Variants in PRKN observed in about 807,000 individuals in gnomAD.
PRKN encodes parkin RBR E3 ubiquitin protein ligase.
PRKN carries 56 observed loss-of-function variants against 59.5 expected under a neutral mutation model. The ratio of observed to expected loss-of-function variants is 0.94; its 90% CI spans 0.76 to 1.18. PRKN has a LOEUF of 1.18. Ranked by LOEUF, PRKN falls within the 50% of genes most tolerant of loss-of-function variation. The pLI, the probability that PRKN is intolerant of heterozygous loss-of-function variation, is 0.00. For synonymous variants in PRKN, 250 were observed against 222.1 expected, an observed-to-expected ratio of 1.13 and a Z score of -1.12; for missense variants, 657 against 596.4, an observed-to-expected ratio of 1.10 and a Z score of -1.06.
chr6:161,941,038 G>A (rs1320586024), intron 6 of PRKN, among the ~76,000 whole-genome samples: 1 of 152,240 alleles, frequency 6.6e-6, no homozygotes, highest in Non-Finnish European at 1.5e-5. Context: ...GAATGGCATG[G>A]TCGCTTTAAC....
intron 1 of PRKN, among the ~76,000 whole-genome samples, chr6:162,705,366 G>A (rs1014180943): frequency 1.3e-5 from 2 of 152,146 alleles, no homozygotes; most frequent in Non-Finnish European, 2.9e-5. Flanking sequence ...TCAGGGCCAG[G>A]CCAAATACTC....
rs9458242 is a variant in PRKN, at chr6:161,402,571, C to T, written c.1084-15694G>A. Among the ~76,000 whole-genome samples the T allele has an allele frequency of 0.014, 2,144 of 152,146 alleles. 65 individuals are homozygous for T. The highest frequency in any genetic ancestry group is 0.049 in the African/African-American group (2,035 of 41,486). On this transcript the variant is annotated intron_variant, in intron 9 of 11. Coordinates refer to ENST00000366898, the MANE Select transcript of PRKN (RefSeq NM_004562.3). This position sits in a 1 kb window ranked among gnomAD's most constrained non-coding sequence, Gnocchi z 4.5. The stretch of plus-strand genomic sequence containing the variant: ...CCCTCTACCCTCCCAGGTTCTTTGG[C>T]TGGGCTATTGATTAAAATGGCATAT...
chr6:162,123,074 A>C (rs979794282), intron 4 of PRKN, among the ~76,000 whole-genome samples: 1 of 152,226 alleles, frequency 6.6e-6, no homozygotes, highest in African/African-American at 2.4e-5. Context: ...TGAAGTAACA[A>C]GAAAAAACGG....
intron 5 of PRKN, among the ~76,000 whole-genome samples, chr6:161,981,393 A>G (rs1170447592): frequency 2.0e-5 from 3 of 152,192 alleles, no homozygotes. Context: ...AAGTTAAAAC[A>G]TGTCAGCTGG....
intron 4 of PRKN, among the ~76,000 whole-genome samples, chr6:162,107,788 C>G (rs1003616004): frequency 7.2e-5 from 11 of 152,126 alleles, no homozygotes; most frequent in Admixed American, 5.9e-4. Flanking sequence ...GCAGGCAAAC[C>G]CCAGATCCTA....
At position 161,502,697 on chromosome 6, in the gene PRKN, T is replaced by G. The variant is rs949481880; in HGVS notation, c.1083+46157A>C. On this transcript the variant is annotated intron_variant, in intron 9 of 11. Transcript: ENST00000366898. This position sits in a 1 kb window ranked among gnomAD's most constrained non-coding sequence, Gnocchi z 4.0. ...CAGTGCATTTATGGAAAGATAATAG[T>G]TAGAACACAGTGTTATCGGCTAGGA... Among the ~76,000 whole-genome samples, 7 of 152,042 alleles carry G rather than the reference T, an allele frequency of 4.6e-5. No individual in the cohort carries two copies. The highest frequency in any genetic ancestry group is 8.8e-5 in the Non-Finnish European group (6 of 68,020).
chr6:161,412,964 G>A (rs1787656693), intron 9 of PRKN, among the ~76,000 whole-genome samples: 1 of 152,212 alleles, frequency 6.6e-6, no homozygotes, highest in Admixed American at 6.5e-5. Flanking sequence ...ACGTGTCCCT[G>A]TGGCCTGTGC....
rs1347329568 is a variant in PRKN at position 161,356,764 on chromosome 6, C to T, written c.1285+3324G>A. The stretch of plus-strand genomic sequence containing the variant: ...GAAAAGGTTTTCTAGGAGCAGCTAG[C>T]ACTCTGCTTTGTGAAATTTGAGCTG... On this transcript the variant is annotated intron_variant, in intron 11 of 11. Coordinates refer to ENST00000366898, the MANE Select transcript of PRKN (RefSeq NM_004562.3). This position sits in a 1 kb window ranked among gnomAD's most constrained non-coding sequence, Gnocchi z 7.8. Among the ~76,000 whole-genome samples, 2 of 152,118 alleles carry T rather than the reference C, an allele frequency of 1.3e-5. No homozygotes were observed. Among genetic ancestry groups the T allele is most frequent in the Middle Eastern group, 3.2e-3 (1 of 316 alleles).
intron 2 of PRKN, among the ~76,000 whole-genome samples, chr6:162,437,848 G>A (rs1426794458): frequency 6.6e-6 from 1 of 152,122 alleles, no homozygotes; most frequent in Non-Finnish European, 1.5e-5. Context: ...CATCAGAGTT[G>A]TTTCCGTGTT....
rs148990138 is a variant in PRKN at position 162,443,371 on chromosome 6, G to A, written c.110C>T (p.Pro37Leu). 4.1e-4 allele frequency: 660 copies of A among 1,613,636 alleles called. 2 individuals carry two copies. Among genetic ancestry groups the A allele is most frequent in the Non-Finnish European group, 5.3e-4 (622 of 1,180,012 alleles). ...GAAAATCACACGCAACTGGTCAGCC[G>A]GAACCCCCTGTCGCTTAGCAACCAC... is the stretch of plus-strand genomic sequence containing the variant. ...KEVVAKRQGVPADQLRVIFAG... is the reference protein window; with the variant it reads ...KEVVAKRQGVLADQLRVIFAG... The change falls in exon 2 of 12, where the codon CCG (proline) becomes CTG (leucine). Residue 37 changes from proline to leucine, a missense_variant. By Grantham distance (98) the Pro-to-Leu change is moderately conservative. Transcript: ENST00000366898.
intron 1 of PRKN, among the ~76,000 whole-genome samples, chr6:162,497,334 T>C (rs537020638): frequency 6.6e-6 from 1 of 152,322 alleles, no homozygotes; most frequent in African/African-American, 2.4e-5. Context: ...ACAAAACACC[T>C]AACTACGCTT....
chr6:161,383,261 G>A (rs530325794), intron 10 of PRKN, among the ~76,000 whole-genome samples: 3 of 152,284 alleles, frequency 2.0e-5, no homozygotes. Context: ...TTATCAAATC[G>A]AATTGGGTCA....
chr6:162,688,589 G>C (rs918097104), intron 1 of PRKN, among the ~76,000 whole-genome samples: 14 of 152,108 alleles, frequency 9.2e-5, no homozygotes, highest in Admixed American at 2.0e-4. Context: ...AGTACCAAGA[G>C]TGCACACATT....
chr6:161,840,379 C>T (rs1562329671), intron 6 of PRKN, among the ~76,000 whole-genome samples: 1 of 152,316 alleles, frequency 6.6e-6, no homozygotes, highest in South Asian at 2.1e-4. Flanking sequence ...CCCTGGACAG[C>T]TGAGAGCTGG....
At chr6:161,733,097 T>C (rs536727457) in intron 7 of PRKN, among the ~76,000 whole-genome samples, 2 of 152,364 alleles carry the variant, frequency 1.3e-5, no homozygotes, top group Non-Finnish European at 2.9e-5. Context: ...TATTTCATGC[T>C]ACTGGGTATA....
Position 162,673,251 on chromosome 6 carries a change from GTGCCCAGAACAA to G in PRKN, c.7+54399_7+54410del, listed in dbSNP as rs373239052. On this transcript the variant is annotated intron_variant, in intron 1 of 11. Coordinates refer to ENST00000366898, the MANE Select transcript of PRKN (RefSeq NM_004562.3). ...TCGAGGCAGAAACGGTGTGTAGCTGGTGCCCAGAACAATGCCCAGAACAGCACCTGCCACAGA... is the reference window on the plus strand; with the variant it reads ...TCGAGGCAGAAACGGTGTGTAGCTGGTGCCCAGAACAGCACCTGCCACAGA... Among the ~76,000 whole-genome samples the G allele has an allele frequency of 1.2e-3, 183 of 152,156 alleles. 1 individual carries two copies. The highest frequency in any genetic ancestry group is 4.2e-3 in the African/African-American group (174 of 41,514).
rs1229517613 is a variant in PRKN at position 161,581,415 on chromosome 6, T to A, written c.872-11999A>T. The stretch of plus-strand genomic sequence containing the variant: ...ATTTAGTGACTTTAAAAATGTCAAT[T>A]AACTACCATGCCCAATAAGTACATA... On this transcript the variant is annotated intron_variant, in intron 7 of 11. Transcript: ENST00000366898. The surrounding 1 kb of genome is among the most constrained non-coding windows in gnomAD (Gnocchi z 4.5). 6.6e-6 allele frequency among the ~76,000 whole-genome samples: 1 copy of A among 152,204 alleles called. No homozygotes were observed. Among genetic ancestry groups the A allele is most frequent in the Non-Finnish European group, 1.5e-5 (1 of 68,024 alleles).
At chr6:162,659,909 C>A (rs1032974758) in intron 1 of PRKN, among the ~76,000 whole-genome samples, 2 of 152,028 alleles carry the variant, frequency 1.3e-5, no homozygotes, top group Admixed American at 1.3e-4. Flanking sequence ...GCAAAGAAAA[C>A]ATTTTCATCT....
intron 1 of PRKN, among the ~76,000 whole-genome samples, chr6:162,642,295 AATG>A (rs1271860773): frequency 2.0e-5 from 3 of 152,208 alleles, no homozygotes; most frequent in Admixed American, 2.0e-4. Flanking sequence ...GAACACGTTT[AATG>A]ATATGATCCA....
Sources: allele counts gnomAD v4.1 joint callset (sites outside exome capture counted in the v4.1 genomes callset), GRCh38; gene constraint gnomAD v4.1.1; non-coding constraint Gnocchi (gnomAD v3.1); transcripts MANE v1.5; gene names NCBI Gene and HGNC (gene_info 2026-07-23, HGNC 2026-07-21).